The following NALF1 variants were observed in gnomAD, a reference collection of about 807,000 sequenced individuals.
The protein encoded by NALF1 is NALCN channel auxiliary factor 1.
Under a neutral mutation model 48.4 loss-of-function variants are expected in NALF1, and 3 were observed. The ratio of observed to expected loss-of-function variants is 0.06; its 90% CI spans 0.03 to 0.16. The LOEUF (loss-of-function observed/expected upper bound fraction) is 0.16. Among genes scored for constraint, NALF1 ranks in the 10% least tolerant of loss-of-function variants. The pLI is 1.00. For missense variants in NALF1, 526 were observed against 571.5 expected (o/e 0.92, Z 0.81); for synonymous variants, 262 against 245.7 (o/e 1.07, Z -0.62).
At chr13:107,713,736 A>G (rs1875669408) in intron 1 of NALF1, among the ~76,000 whole-genome samples, 1 of 152,184 alleles carries the variant, frequency 6.6e-6, no homozygotes, top group Non-Finnish European at 1.5e-5. Flanking sequence ...CAGCACATAC[A>G]TATGTGCTAT....
intron 1 of NALF1, among the ~76,000 whole-genome samples, chr13:107,216,015 T>C (rs1008521460): frequency 1.3e-5 from 2 of 152,218 alleles, no homozygotes; most frequent in Non-Finnish European, 2.9e-5. Flanking sequence ...AAATGTCAGA[T>C]ATTAAAAATG....
At chr13:107,594,087 C>T (rs925834356) in intron 1 of NALF1, among the ~76,000 whole-genome samples, 2 of 152,070 alleles carry the variant, frequency 1.3e-5, no homozygotes, top group Non-Finnish European at 2.9e-5. Context: ...TTCTTCAAAT[C>T]CAAATCCCTC....
intron 1 of NALF1, among the ~76,000 whole-genome samples, chr13:107,626,346 A>C (rs569255473): frequency 1.1e-3 from 162 of 152,218 alleles, no homozygotes; most frequent in Non-Finnish European, 1.9e-3. Context: ...ACTATACAGA[A>C]CAGTATGAAA....
chr13:107,739,077 G>A (rs1377287384), intron 1 of NALF1, among the ~76,000 whole-genome samples: 1 of 152,030 alleles, frequency 6.6e-6, no homozygotes, highest in Non-Finnish European at 1.5e-5. Flanking sequence ...ACCAAACACC[G>A]CATGTTCCAC....
chr13:107,328,560 C>A (rs762991348), intron 1 of NALF1, among the ~76,000 whole-genome samples: 40 of 152,102 alleles, frequency 2.6e-4, no homozygotes, highest in Non-Finnish European at 4.9e-4. Context: ...CTTGACAAAC[C>A]TTTGGTTTCT....
At chr13:107,266,428 G>C (rs1881039653) in intron 1 of NALF1, among the ~76,000 whole-genome samples, 1 of 152,178 alleles carries the variant, frequency 6.6e-6, no homozygotes, top group Non-Finnish European at 1.5e-5. Context: ...CTGTTGACAA[G>C]GTTTCACACC....
chr13:107,556,350 T>G (rs1018600), intron 1 of NALF1, among the ~76,000 whole-genome samples: 42,388 of 146,588 alleles, frequency 0.29, 6,747 homozygotes, highest in Non-Finnish European at 0.36. Context: ...TATATATATA[T>G]AGAGAGAGAG....
At chr13:107,626,714 T>C (rs1378861505) in intron 1 of NALF1, among the ~76,000 whole-genome samples, 4 of 151,998 alleles carry the variant, frequency 2.6e-5, no homozygotes, top group Non-Finnish European at 4.4e-5. Context: ...TTCCCACTCA[T>C]GTATGGAAGC....
At chr13:107,206,620 T>G (rs1039996323) in intron 2 of NALF1, among the ~76,000 whole-genome samples, 4 of 152,184 alleles carry the variant, frequency 2.6e-5, no homozygotes, top group African/African-American at 9.7e-5. Context: ...TATTCCCTTT[T>G]TTGTGAATAA....
chr13:107,818,871 CAAA>C (rs774372636), intron 1 of NALF1, among the ~76,000 whole-genome samples: 11 of 73,816 alleles, frequency 1.5e-4, no homozygotes, highest in African/African-American at 4.2e-4. Context: ...GACTCCGTCT[CAAA>C]AAAAAAAAAA....
chr13:107,370,620 C>T (rs941066233), intron 1 of NALF1, among the ~76,000 whole-genome samples: 11 of 123,886 alleles, frequency 8.9e-5, no homozygotes, highest in Middle Eastern at 3.6e-3. Flanking sequence ...CCTCCCACCA[C>T]GCCATGCTGA....
intron 1 of NALF1, among the ~76,000 whole-genome samples, chr13:107,644,646 C>CATATATATATATATATATATAT (rs58981652): frequency 2.7e-4 from 29 of 108,220 alleles, no homozygotes; most frequent in South Asian, 3.2e-4. Context: ...TACATACATA[C>CATATATATATATATATATATAT]ATATATATAT....
At chr13:107,636,887 A>ATATATTATATTATATTATAT (rs67586898) in intron 1 of NALF1, among the ~76,000 whole-genome samples, 4 of 147,898 alleles carry the variant, frequency 2.7e-5, no homozygotes, top group African/African-American at 7.4e-5. Context: ...TCTATATTAT[A>ATATATTATATTATATTATAT]TATATTATAT....
At chr13:107,566,365 AG>A (rs1306058224) in intron 1 of NALF1, among the ~76,000 whole-genome samples, 2 of 152,242 alleles carry the variant, frequency 1.3e-5, no homozygotes, top group Non-Finnish European at 1.5e-5. Context: ...AAGTCTCTGT[AG>A]TCACAGAAGA....
At chr13:107,770,199 C>T (rs2138569328) in intron 1 of NALF1, among the ~76,000 whole-genome samples, 1 of 152,282 alleles carries the variant, frequency 6.6e-6, no homozygotes, top group Admixed American at 6.5e-5. Context: ...AGGCGTGAGC[C>T]ACCGCGCCGG....
intron 1 of NALF1, among the ~76,000 whole-genome samples, chr13:107,438,190 C>A (rs1884493665): frequency 6.6e-6 from 1 of 152,168 alleles, no homozygotes; most frequent in Non-Finnish European, 1.5e-5. Flanking sequence ...AAGGTTAACA[C>A]AAGTCAAATG....
intron 1 of NALF1, among the ~76,000 whole-genome samples, chr13:107,614,790 T>C (rs1879335420): frequency 6.6e-6 from 1 of 151,856 alleles, no homozygotes. Flanking sequence ...TTCTTTTCTT[T>C]TTTTGAAGAC....
intron 1 of NALF1, among the ~76,000 whole-genome samples, chr13:107,669,329 T>C (rs1389831324): frequency 1.3e-5 from 2 of 152,150 alleles, no homozygotes; most frequent in Non-Finnish European, 2.9e-5. Flanking sequence ...TTGCTTATGA[T>C]TGTGCAGAAT....
rs552496722 is a variant in NALF1, at chr13:107,675,076, G to A, written c.915+190606C>T. Among the ~76,000 whole-genome samples, 22 of 152,248 alleles carry A rather than the reference G, an allele frequency of 1.4e-4. No homozygotes were observed. The South Asian group carries it at 3.9e-3, about 27-fold the overall frequency. The stretch of plus-strand genomic sequence containing the variant: ...GTGGTAGTGGACTCAGCAGATAGAG[G>A]CCAAGGAATTGGGGCTGGAGAGACA... On this transcript the variant is annotated intron_variant, in intron 1 of 2. Transcript: ENST00000375915.
Sources: allele counts gnomAD v4.1 joint callset (sites outside exome capture counted in the v4.1 genomes callset), GRCh38; gene constraint gnomAD v4.1.1; transcripts MANE v1.5; gene names NCBI Gene and HGNC (gene_info 2026-07-23, HGNC 2026-07-21).